Variants in CPS1 observed in about 807,000 individuals in gnomAD.
The protein encoded by CPS1 is carbamoyl-phosphate synthase [ammonia], mitochondrial.
CPS1 carries 109 observed loss-of-function variants against 174.6 expected under a neutral mutation model. The ratio of observed to expected loss-of-function variants is 0.62; its 90% CI spans 0.53 to 0.73. The LOEUF is 0.73. Ranked by LOEUF, CPS1 falls within the 30% of genes least tolerant of loss-of-function variation. The probability of loss-of-function intolerance (pLI) is 0.00; values close to 1 mark genes in which losing one functional copy is unlikely to be tolerated. For synonymous variants in CPS1, 637 were observed against 632.0 expected (o/e 1.01, Z -0.12); for missense variants, 1,689 against 1,821.9 (o/e 0.93, Z 1.33).
chr2:210,588,748 A>T (rs1368979381), intron 7 of CPS1, among the ~76,000 whole-genome samples: 1 of 151,990 alleles, frequency 6.6e-6, no homozygotes, highest in East Asian at 1.9e-4. Context: ...ACACACATAC[A>T]CACATATTTG....
Position 210,677,858 on chromosome 2 carries a change from G to A in CPS1, c.4405-29G>A, listed in dbSNP as rs759434758. The A allele has an allele frequency of 4.0e-6, 6 of 1,499,994 alleles. No individual in the cohort carries two copies. The East Asian group carries it at 1.4e-4, about 34-fold the overall frequency. 92.9% of individuals were successfully genotyped at this position (1,499,994 alleles called of 1,614,324 possible). On this transcript the variant is annotated intron_variant, in intron 37 of 37. Transcript: ENST00000233072. ...AAAAATTCACTTTTATCTCATGGAG[G>A]GTGCTGATTCCTACCATTATATTTT...
chr2:210,596,365 A>G (rs1483032527), intron 13 of CPS1, among the ~76,000 whole-genome samples: 1 of 151,968 alleles, frequency 6.6e-6, no homozygotes, highest in Admixed American at 6.6e-5. Context: ...GTGTAATGCC[A>G]TTCACCAGAG....
chr2:210,538,836 CAT>C (rs1447657010), intron 1 of CPS1, among the ~76,000 whole-genome samples: 1 of 151,906 alleles, frequency 6.6e-6, no homozygotes, highest in Non-Finnish European at 1.5e-5. Context: ...CTTTGTTCAT[CAT>C]GTGAAAAAAT....
intron 2 of CPS1, 114 bp downstream of exon 2, chr2:210,573,521 CT>C: frequency 1.2e-6 from 1 of 848,464 alleles, no homozygotes; most frequent in East Asian, 2.5e-5. Flanking sequence ...ACGTATTGTC[CT>C]GAAGTTGCAC....
intron 12 of CPS1, 33 bp from the exon 13 acceptor site, chr2:210,595,454 G>A: frequency 1.4e-6 from 2 of 1,443,828 alleles, no homozygotes; most frequent in East Asian, 2.3e-5. Context: ...CATTTTAGCA[G>A]TAATAACAGT....
At chr2:210,535,690 G>GAAACAC (rs1696228802) in intron 1 of CPS1, among the ~76,000 whole-genome samples, 1 of 152,088 alleles carries the variant, frequency 6.6e-6, no homozygotes, top group Admixed American at 6.5e-5. Flanking sequence ...GGTAAGGTAG[G>GAAACAC]AAACACAAGG....
At chr2:210,658,457 T>G in intron 30 of CPS1, 142 bp from the exon 31 acceptor site, 1 of 660,358 alleles carries the variant, frequency 1.5e-6, no homozygotes, top group Non-Finnish European at 2.7e-6. Context: ...GTGCCCTCCA[T>G]TATAATTATT....
intron 34 of CPS1, 71 bp downstream of exon 34, chr2:210,668,355 T>A: frequency 1.0e-6 from 1 of 1,000,910 alleles, no homozygotes; most frequent in Non-Finnish European, 1.6e-6. Context: ...GATAGAATGT[T>A]AATTGTGGTA....
intron 11 of CPS1, chr2:210,593,399 G>T: frequency 9.4e-7 from 1 of 1,066,312 alleles, no homozygotes; most frequent in Non-Finnish European, 1.1e-6. Flanking sequence ...GGAGGGGAAG[G>T]GTGTTGGAGG....
upstream of CPS1, chr2:210,556,469 G>A (rs1451796285): frequency 1.2e-6 from 1 of 862,216 alleles, no homozygotes; most frequent in Non-Finnish European, 1.8e-6. Context: ...GCAGGAGAAG[G>A]TAGTATTTGA....
intron 22 of CPS1, 23 bp downstream of exon 22, chr2:210,637,866 C>T (rs752012657): frequency 4.3e-6 from 7 of 1,613,290 alleles, no homozygotes; most frequent in Non-Finnish European, 8.5e-7. Flanking sequence ...CCCTTTTCCC[C>T]CATCCCCCAC....
intron 1 of CPS1, among the ~76,000 whole-genome samples, chr2:210,543,322 GC>G (rs1211738965): frequency 1.3e-5 from 2 of 151,892 alleles, no homozygotes; most frequent in Non-Finnish European, 2.9e-5. Flanking sequence ...ATGTTAACAT[GC>G]CCTGCCAACA....
intron 1 of CPS1, among the ~76,000 whole-genome samples, chr2:210,570,065 G>T (rs2106066111): frequency 1.3e-5 from 2 of 152,016 alleles, no homozygotes; most frequent in Non-Finnish European, 1.5e-5. Context: ...ATAGCTCTTT[G>T]TTCAGTGTTT....
chr2:210,606,959 G>T lies in CPS1; in HGVS notation c.2192+18G>T. ...GCCACTGGGTAAGACCAGAATAATT[G>T]ACCATGGGTTTGCAGATTCTTTTCA... On this transcript the variant is annotated intron_variant, in intron 18 of 37. Coordinates refer to ENST00000233072, the MANE Select transcript of CPS1 (RefSeq NM_001875.5). 6.2e-7 allele frequency: 1 copy of T among 1,602,962 alleles called. No homozygotes were observed. Among genetic ancestry groups the T allele is most frequent in the Non-Finnish European group, 8.5e-7 (1 of 1,171,506 alleles).
intron 27 of CPS1, among the ~76,000 whole-genome samples, chr2:210,649,684 G>A (rs1700501498): frequency 6.6e-6 from 1 of 152,106 alleles, no homozygotes; most frequent in African/African-American, 2.4e-5. Flanking sequence ...CTGTTTAAAA[G>A]CAAAGTAATA....
At chr2:210,526,459 C>T (rs1298215252) in intron 1 of CPS1, among the ~76,000 whole-genome samples, 4 of 151,596 alleles carry the variant, frequency 2.6e-5, no homozygotes, top group African/African-American at 4.8e-5. Context: ...GTGCCATGGA[C>T]TCAAGGAAGT....
intron 1 of CPS1, among the ~76,000 whole-genome samples, chr2:210,485,231 C>CAA (rs753781683): frequency 1.6e-3 from 150 of 94,274 alleles, no homozygotes; most frequent in African/African-American, 4.8e-3. Flanking sequence ...GACTACATCT[C>CAA]AAAAAAAAAA....
At chr2:210,621,073 C>T (rs1699508728) in intron 21 of CPS1, among the ~76,000 whole-genome samples, 2 of 152,034 alleles carry the variant, frequency 1.3e-5, no homozygotes, top group Non-Finnish European at 1.5e-5. Context: ...GATCTCTTTC[C>T]TGTTTACGCT....
chr2:210,609,578 TG>T (rs1699037031), intron 19 of CPS1, among the ~76,000 whole-genome samples: 1 of 151,988 alleles, frequency 6.6e-6, no homozygotes, highest in African/African-American at 2.4e-5. Flanking sequence ...AGATGAGTGC[TG>T]AAGTATGAAC....
Sources: gnomAD v4.1 joint callset for allele counts (sites outside exome capture counted in the v4.1 genomes callset) on GRCh38, gnomAD v4.1.1 for gene constraint, MANE v1.5 for transcripts, NCBI Gene and HGNC (gene_info 2026-07-23, HGNC 2026-07-21) for gene names.